Variants in CPEB1 observed in about 807,000 individuals in gnomAD.
CPEB1 encodes cytoplasmic polyadenylation element-binding protein 1.
A neutral mutation model predicts 65.8 loss-of-function variants in CPEB1; 7 were observed. The ratio of observed to expected loss-of-function variants is 0.11; its 90% confidence interval spans 0.06 to 0.20. The LOEUF (loss-of-function observed/expected upper bound fraction) is 0.20, where lower values mean the gene tolerates loss of function less well. CPEB1 is among the 10% of genes least tolerant of loss of function. The pLI is 1.00. For synonymous variants in CPEB1, 262 were observed against 260.0 expected (o/e 1.01, Z -0.08); for missense variants, 551 against 712.2 (o/e 0.77, Z 2.58).
intron 3 of CPEB1, among the ~76,000 whole-genome samples, chr15:82,618,954 T>G (rs1234806315): frequency 6.6e-6 from 1 of 152,174 alleles, no homozygotes; most frequent in Admixed American, 6.5e-5. Context: ...GGGGTGGAGC[T>G]TGGACTGATG....
chr15:82,616,512 C>T (rs2044725709), intron 3 of CPEB1, among the ~76,000 whole-genome samples: 1 of 151,132 alleles, frequency 6.6e-6, no homozygotes, highest in African/African-American at 2.4e-5. Context: ...GTGGTAAATA[C>T]ATTATTTTAC....
chr15:82,576,435 A>G (rs1177077431), intron 3 of CPEB1, among the ~76,000 whole-genome samples: 1 of 152,208 alleles, frequency 6.6e-6, no homozygotes, highest in African/African-American at 2.4e-5. Context: ...ACTGCATATA[A>G]ATTTTACCTC....
At chr15:82,625,247 G>C (rs1338947155) in intron 3 of CPEB1, among the ~76,000 whole-genome samples, 2 of 152,144 alleles carry the variant, frequency 1.3e-5, no homozygotes, top group African/African-American at 4.8e-5. Context: ...AATTGGGCTA[G>C]CTCATGACTT....
intron 3 of CPEB1, among the ~76,000 whole-genome samples, chr15:82,606,529 C>A: frequency 8.8e-6 from 1 of 114,034 alleles, no homozygotes; most frequent in African/African-American, 3.5e-5. Flanking sequence ...CTTAAAAATA[C>A]ATAGTAAGGC....
In CPEB1 at chr15:82,544,833, A is replaced by G. The variant is rs1479989099; in HGVS notation, c.1657-131T>C. 12 of 693,302 alleles carry G rather than the reference A, an allele frequency of 1.7e-5. No homozygotes were observed. In the Admixed American group the frequency reaches 2.6e-4, roughly 15 times the overall value. The allele number at this position is 693,302 out of a possible 1,614,324, so 42.9% of individuals were successfully genotyped here. On this transcript the variant is annotated intron_variant, in intron 12 of 12. Coordinates refer to ENST00000684509, the MANE Select transcript of CPEB1 (RefSeq NM_001365242.1). ...CGATGGCCTCTGTGGGTTAGAAGAA[A>G]TGGTCCCTAGGAATGCTCTCACCCC...
chr15:82,567,777 A>C (rs2039397239), intron 4 of CPEB1, among the ~76,000 whole-genome samples: 1 of 152,216 alleles, frequency 6.6e-6, no homozygotes, highest in African/African-American at 2.4e-5. Context: ...GCTTCTGTAC[A>C]AGGCATCATT....
chr15:82,559,058 C>T (rs546280848), intron 4 of CPEB1, among the ~76,000 whole-genome samples: 19 of 152,130 alleles, frequency 1.2e-4, no homozygotes, highest in African/African-American at 4.6e-4. Flanking sequence ...GTGATTGGCC[C>T]CACTTCCGCC....
At chr15:82,549,372 C>A in intron 10 of CPEB1, 88 bp downstream of exon 10, 1 of 1,399,646 alleles carries the variant, frequency 7.1e-7, no homozygotes, top group South Asian at 1.2e-5. Flanking sequence ...GGTCAGGCCT[C>A]TCTCCTCACT....
At chr15:82,647,664 T>TC, upstream of CPEB1, 1 of 381,702 alleles carries the variant, frequency 2.6e-6, no homozygotes. Context: ...ACGAGGAGGC[T>TC]CCCTGCCCCC....
intron 3 of CPEB1, among the ~76,000 whole-genome samples, chr15:82,586,243 C>T (rs1371009000): frequency 9.0e-6 from 1 of 111,112 alleles, no homozygotes; most frequent in African/African-American, 3.2e-5. Context: ...TTTTCAGATA[C>T]AAAAAAAAAA....
intron 1 of CPEB1, among the ~76,000 whole-genome samples, chr15:82,635,070 G>A (rs2046552699): frequency 6.6e-6 from 1 of 152,100 alleles, no homozygotes; most frequent in African/African-American, 2.4e-5. Flanking sequence ...GGCCAGGCTG[G>A]TCTCAAACTC....
chr15:82,628,770 A>G (rs1232263418), intron 1 of CPEB1: 4 of 268,346 alleles, frequency 1.5e-5, no homozygotes, highest in Admixed American at 4.8e-5. Flanking sequence ...ATGTGAAAAC[A>G]GTAAATATGA....
intron 3 of CPEB1, among the ~76,000 whole-genome samples, chr15:82,618,322 T>A (rs2044952694): frequency 6.6e-6 from 1 of 152,214 alleles, no homozygotes; most frequent in South Asian, 2.1e-4. Flanking sequence ...TCAACATATA[T>A]ATTGAAAACA....
intron 3 of CPEB1, among the ~76,000 whole-genome samples, chr15:82,588,025 G>A (rs543001241): frequency 1.3e-4 from 20 of 152,094 alleles, no homozygotes; most frequent in Admixed American, 9.2e-4. Context: ...AGGCTCAAGC[G>A]ATCCTCCCAC....
intron 3 of CPEB1, among the ~76,000 whole-genome samples, chr15:82,600,925 G>A (rs1237040481): frequency 3.2e-5 from 3 of 93,498 alleles, no homozygotes; most frequent in African/African-American, 4.1e-5. Context: ...TTTTTTTGGA[G>A]ACAAAGTTTT....
rs1265799399 is a variant in CPEB1 at position 82,616,838 on chromosome 15, A to G, written c.271+10355T>C. Among the ~76,000 whole-genome samples, 3 of 152,360 alleles carry G rather than the reference A, an allele frequency of 2.0e-5. No individual in the cohort carries two copies. In the East Asian group the frequency reaches 5.8e-4, roughly 29 times the overall value. On this transcript the variant is annotated intron_variant, in intron 3 of 12. Transcript: ENST00000684509. Reference sequence around the variant, plus strand: ...CTACCATTCAGAGATAACTATGTTTACAAAGGTTAACAGCTTTGAGACATA... The same window carrying G: ...CTACCATTCAGAGATAACTATGTTTGCAAAGGTTAACAGCTTTGAGACATA...
At chr15:82,629,933 T>C (rs764712815) in intron 1 of CPEB1, 49 of 985,278 alleles carry the variant, frequency 5.0e-5, no homozygotes, top group Non-Finnish European at 5.5e-5. Context: ...CTCTGCAAAC[T>C]GTGAAGACGA....
intron 4 of CPEB1, 104 bp downstream of exon 4, chr15:82,571,240 G>T: frequency 7.1e-7 from 1 of 1,406,262 alleles, no homozygotes; most frequent in East Asian, 2.4e-5. Context: ...TGTGTATGGT[G>T]GGGAGTGATG....
intron 3 of CPEB1, among the ~76,000 whole-genome samples, chr15:82,580,445 G>A (rs963883497): frequency 3.3e-5 from 5 of 152,012 alleles, no homozygotes; most frequent in Non-Finnish European, 7.4e-5. Flanking sequence ...TAAATCTACA[G>A]TTTCACTTAT....
Sources: allele counts gnomAD v4.1 joint callset (sites outside exome capture counted in the v4.1 genomes callset), GRCh38; gene constraint gnomAD v4.1.1; transcripts MANE v1.5; gene names NCBI Gene and HGNC (gene_info 2026-07-23, HGNC 2026-07-21).